Variants in CTSV observed in about 807,000 individuals in gnomAD.
CTSV encodes the protein cathepsin L2.
Under a neutral mutation model 35.6 loss-of-function variants are expected in CTSV, and 33 were observed. That is an observed-to-expected ratio of 0.93 (90% CI 0.70 to 1.24). The LOEUF is 1.24. Ranked by LOEUF, CTSV falls within the 50% of genes most tolerant of loss-of-function variation. The pLI is 0.00. For missense variants in CTSV, 408 were observed against 413.1 expected (o/e 0.99, Z 0.11); for synonymous variants, 154 against 147.1 (o/e 1.05, Z -0.34).
rs1192260665 is a variant in CTSV, at chr9:97,036,351, G to A, written c.621+172C>T. ...CTCCCAAACTGCTGGGATTACAGGT[G>A]ATCCACCACGCCTGGCCAAAGGCTA... On this transcript the variant is annotated intron_variant, in intron 5 of 7. Coordinates refer to ENST00000259470, the MANE Select transcript of CTSV (RefSeq NM_001333.4). 8 of 650,740 alleles carry A rather than the reference G, an allele frequency of 1.2e-5. No homozygotes were observed. In the South Asian group the frequency reaches 1.3e-4, roughly 10 times the overall value. The allele number at this position is 650,740 out of a possible 1,614,324, so 40.3% of individuals were successfully genotyped here.
intron 5 of CTSV, 32 bp from the exon 6 acceptor site, chr9:97,035,725 A>T (rs1373675429): frequency 7.4e-7 from 1 of 1,348,830 alleles, no homozygotes; most frequent in African/African-American, 1.5e-5. Flanking sequence ...AGACTTGATC[A>T]CTACCATCTA....
intron 4 of CTSV, 59 bp from the exon 5 acceptor site, chr9:97,036,806 C>A (rs1329504225): frequency 4.5e-6 from 6 of 1,332,988 alleles, no homozygotes; most frequent in Non-Finnish European, 1.0e-6. Context: ...TACAGTACCC[C>A]ATAATTGAAT....
At chr9:97,037,453 GA>G (rs768882364) in intron 3 of CTSV, 39 bp downstream of exon 3, 1 of 1,613,862 alleles carries the variant, frequency 6.2e-7, no homozygotes, top group Non-Finnish European at 8.5e-7. Flanking sequence ...GTGAAGAACT[GA>G]GAAGCAGCAC....
chr9:97,036,844 A>C (rs1484287075), intron 4 of CTSV, 97 bp from the exon 5 acceptor site: 6 of 1,191,568 alleles, frequency 5.0e-6, no homozygotes, highest in Admixed American at 3.2e-5. Context: ...AAAAAAAAAA[A>C]AACCCATCGC....
intron 4 of CTSV, 83 bp from the exon 5 acceptor site, chr9:97,036,830 T>A: frequency 8.9e-7 from 1 of 1,117,750 alleles, no homozygotes; most frequent in Non-Finnish European, 1.2e-6. Flanking sequence ...CTTAATATTC[T>A]TTAAAAAAAA....
rs1284894310 is a variant in CTSV at position 97,037,811 on chromosome 9, T to C, written c.126+107A>G. ...ACCTATAATGGGTGCTGTTAGGTTA[T>C]TGCCTGGTAAGGTCTGGTGTCTAGA... On this transcript the variant is annotated intron_variant, in intron 2 of 7. Transcript: ENST00000259470. 1.0e-5 allele frequency: 15 copies of C among 1,476,384 alleles called. No individual in the cohort carries two copies. In the East Asian group the frequency reaches 3.2e-4, roughly 31 times the overall value. 91.5% of individuals were successfully genotyped at this position (1,476,384 alleles called of 1,614,324 possible).
intron 2 of CTSV, 53 bp downstream of exon 2, chr9:97,037,865 A>C: frequency 1.9e-6 from 3 of 1,601,594 alleles, no homozygotes; most frequent in Non-Finnish European, 2.6e-6. Flanking sequence ...AACTCCCAAC[A>C]GCGAGGACCA....
Position 97,032,917 on chromosome 9 carries a change from C to T in CTSV, c.*32G>A. The T allele has an allele frequency of 1.3e-6, 2 of 1,539,442 alleles. No homozygotes were observed. Among genetic ancestry groups the T allele is most frequent in the Non-Finnish European group, 1.8e-6 (2 of 1,121,522 alleles). Reference sequence around the variant, plus strand: ...GATAAAATTTCCCCAGACATGCTGTCCTTAAGTCCTTCCTCCTCACCATCC... The same window carrying T: ...GATAAAATTTCCCCAGACATGCTGTTCTTAAGTCCTTCCTCCTCACCATCC... On this transcript the variant is annotated 3_prime_UTR_variant, in exon 8 of 8. Transcript: ENST00000259470.
At chr9:97,037,693 A>C (rs1828879934) in intron 2 of CTSV, 78 bp from the exon 3 acceptor site, 2 of 1,571,700 alleles carry the variant, frequency 1.3e-6, no homozygotes, top group African/African-American at 2.7e-5. Flanking sequence ...TGCGGGCAGA[A>C]ATGGAAGAGA....
Position 97,034,842 on chromosome 9 carries a change from GC to G in CTSV, c.788del (p.Gly263AlafsTer51). 6.2e-7 allele frequency: 1 copy of G among 1,612,690 alleles called. No individual in the cohort carries two copies. Among genetic ancestry groups the G allele is most frequent in the East Asian group, 2.2e-5 (1 of 44,860 alleles). ...TGCTGCAGTCTGGTTCAAAATAAATGCCTGGGAGAGTAAAATTAATGCTGGG... is the reference window on the plus strand; with the variant it reads ...TGCTGCAGTCTGGTTCAAAATAAATGCTGGGAGAGTAAAATTAATGCTGGG... ...GHSSFQFYKS[G>X]IYFEPDCSSK... On this transcript the variant is annotated frameshift_variant and splice_region_variant, in exon 7 of 8. Coordinates refer to ENST00000259470, the MANE Select transcript of CTSV (RefSeq NM_001333.4). LOFTEE classifies it high-confidence loss of function.
Position 97,036,509 on chromosome 9 carries a change from G to T in CTSV, c.621+14C>A. 1.3e-6 allele frequency: 2 copies of T among 1,577,352 alleles called. No homozygotes were observed. The highest frequency in any genetic ancestry group is 2.7e-5 in the African/African-American group (2 of 74,216). On this transcript the variant is annotated intron_variant, in intron 5 of 7. Transcript: ENST00000259470. ...AAGCAGAGCACGAATGACAAGATAAGGAGCTCCATTTACCACTGCTACATA... is the reference window on the plus strand; with the variant it reads ...AAGCAGAGCACGAATGACAAGATAATGAGCTCCATTTACCACTGCTACATA...
Position 97,030,484 on chromosome 9 carries a change from G to A in CTSV, c.*2465C>T, listed in dbSNP as rs900605301. 1 of 152,196 alleles carries A rather than the reference G, an allele frequency of 6.6e-6. No individual in the cohort carries two copies. Among genetic ancestry groups the A allele is most frequent in the Non-Finnish European group, 1.5e-5 (1 of 68,028 alleles). The allele number at this position is 152,196 out of a possible 1,614,324, so 9.4% of individuals were successfully genotyped here. On this transcript the variant is annotated 3_prime_UTR_variant, in exon 8 of 8. Transcript: ENST00000259470. ...GAGACCCTAACCCAGAGGCGCTAGA[G>A]AAATTAAAGACACACACCCAGAAAT...
chr9:97,033,168 G>A, intron 7 of CTSV, 120 bp from the exon 8 acceptor site: 1 of 622,074 alleles, frequency 1.6e-6, no homozygotes, highest in South Asian at 2.2e-5. Flanking sequence ...TCTAAATGCT[G>A]TTAATATCCA....
At chr9:97,038,074 A>C (rs1195691121) in intron 1 of CTSV, 21 bp from the exon 2 acceptor site, 2 of 1,610,906 alleles carry the variant, frequency 1.2e-6, no homozygotes, top group East Asian at 2.2e-5. Context: ...AAAAGAAATG[A>C]GTATCTGATT....
chr9:97,039,126 G>A lies in CTSV; in HGVS notation c.-66C>T, dbSNP rs1467473314. 2.6e-5 allele frequency: 4 copies of A among 152,328 alleles called. No homozygotes were observed. Among genetic ancestry groups the A allele is most frequent in the African/African-American group, 7.2e-5 (3 of 41,470 alleles). The allele number at this position is 152,328 out of a possible 1,614,324, so 9.4% of individuals were successfully genotyped here. ...CAGCAAACAAGCCTCTGAGATTACA[G>A]ACGTCCGCGGTCTGGTGCAGGTTCG... On this transcript the variant is annotated 5_prime_UTR_variant, in exon 1 of 8. Transcript: ENST00000259470.
intron 4 of CTSV, among the ~76,000 whole-genome samples, chr9:97,036,964 G>A (rs373630388): frequency 4.0e-5 from 6 of 151,884 alleles, no homozygotes; most frequent in African/African-American, 1.5e-4. Context: ...AAAATTAGCT[G>A]GGCATGGTGG....
chr9:97,034,326 G>A (rs2119229828), intron 7 of CTSV, among the ~76,000 whole-genome samples: 1 of 152,304 alleles, frequency 6.6e-6, no homozygotes, highest in East Asian at 1.9e-4. Context: ...AATGACAATA[G>A]AAGGATGCAC....
At chr9:97,037,864 C>T in intron 2 of CTSV, 54 bp downstream of exon 2, 2 of 1,599,544 alleles carry the variant, frequency 1.3e-6, no homozygotes, top group Non-Finnish European at 1.7e-6. Context: ...CAACTCCCAA[C>T]AGCGAGGACC....
intron 7 of CTSV, among the ~76,000 whole-genome samples, chr9:97,033,375 G>A (rs1472139253): frequency 6.6e-6 from 1 of 151,534 alleles, no homozygotes; most frequent in Non-Finnish European, 1.5e-5. Flanking sequence ...TTGGGAGGCT[G>A]AGGCGGGTGG....
Sources: gnomAD v4.1 joint callset for allele counts (sites outside exome capture counted in the v4.1 genomes callset) on GRCh38, gnomAD v4.1.1 for gene constraint, MANE v1.5 for transcripts, NCBI Gene and HGNC (gene_info 2026-07-23, HGNC 2026-07-21) for gene names.